The following LAMA4 variants were observed in gnomAD, a reference collection of about 807,000 sequenced individuals.
LAMA4 encodes the protein laminin subunit alpha-4.
A neutral mutation model predicts 207.1 loss-of-function variants in LAMA4; 127 were observed. The observed-to-expected ratio is 0.61, with a 90% CI of 0.53 to 0.71. The LOEUF is 0.71. Ranked by LOEUF, LAMA4 falls within the 30% of genes least tolerant of loss-of-function variation. The pLI is 0.00. For synonymous variants in LAMA4, 761 were observed against 816.0 expected (o/e 0.93, Z 1.15); for missense variants, 2,093 against 2,246.5 (o/e 0.93, Z 1.38).
At chr6:112,131,459 G>A (rs941871229) in intron 28 of LAMA4, among the ~76,000 whole-genome samples, 4 of 152,124 alleles carry the variant, frequency 2.6e-5, no homozygotes, top group African/African-American at 9.7e-5. Context: ...GTAGCTAGAT[G>A]ACTAGGCAAG....
At chr6:112,140,542 GT>G (rs540759846) in intron 22 of LAMA4, among the ~76,000 whole-genome samples, 534 of 152,274 alleles carry the variant, frequency 3.5e-3, no homozygotes, top group Non-Finnish European at 5.6e-3. Context: ...ATCTTCAGGA[GT>G]TAGCTATAAC....
intron 5 of LAMA4, among the ~76,000 whole-genome samples, chr6:112,195,056 T>C (rs1415292471): frequency 6.6e-6 from 1 of 152,202 alleles, no homozygotes; most frequent in Non-Finnish European, 1.5e-5. Flanking sequence ...TCAGGAATGC[T>C]TGAAGCTCCC....
chr6:112,161,049 C>A (rs1192611949), intron 13 of LAMA4, among the ~76,000 whole-genome samples: 6 of 152,168 alleles, frequency 3.9e-5, no homozygotes, highest in Non-Finnish European at 7.3e-5. Flanking sequence ...TGTTTTAATG[C>A]TCCACAATTT....
At chr6:112,190,266 TG>T (rs1782938192) in intron 6 of LAMA4, among the ~76,000 whole-genome samples, 1 of 152,264 alleles carries the variant, frequency 6.6e-6, no homozygotes, top group African/African-American at 2.4e-5. Context: ...TTATTTCTGC[TG>T]TCCGCCTTCT....
intron 3 of LAMA4, among the ~76,000 whole-genome samples, chr6:112,208,021 T>C (rs1290112709): frequency 2.0e-5 from 3 of 152,220 alleles, no homozygotes; most frequent in Non-Finnish European, 4.4e-5. Flanking sequence ...GATTAATTTC[T>C]ATAAGGGGCA....
In LAMA4 at chr6:112,172,639, G is replaced by C; in HGVS notation, c.1523C>G (p.Ala508Gly). 4 of 1,613,086 alleles carry C rather than the reference G, an allele frequency of 2.5e-6. No homozygotes were observed. The highest frequency in any genetic ancestry group is 3.4e-6 in the Non-Finnish European group (4 of 1,180,004). Residue 508 changes from alanine to glycine, a missense_variant, in exon 12 of 39, where the codon GCC (alanine) becomes GGC (glycine). By Grantham distance (60) the Ala-to-Gly change is moderately conservative. Transcript: ENST00000230538. ...YVRDAEDMNR[A>G]TAARQRDHEK... Reference sequence around the variant, plus strand: ...ATGGTCCCGCTGCCTGGCTGCTGTGGCCCTGTTCATGTCTTCGGCATCCCT... The same window carrying C: ...ATGGTCCCGCTGCCTGGCTGCTGTGCCCCTGTTCATGTCTTCGGCATCCCT...
rs782610899 is a variant in LAMA4, at chr6:112,141,330, T to G, written c.2813+28A>C. The G allele has an allele frequency of 2.0e-5, 33 of 1,611,068 alleles. No homozygotes were observed. The South Asian group carries it at 3.5e-4, about 17-fold the overall frequency. Reference sequence around the variant, plus strand: ...ACAGGTTTCTTGTGATATGTGCATATATGCCCTGTGTCATGGATTCACTGT... The same window carrying G: ...ACAGGTTTCTTGTGATATGTGCATAGATGCCCTGTGTCATGGATTCACTGT... On this transcript the variant is annotated intron_variant, in intron 21 of 38. Transcript: ENST00000230538.
At chr6:112,162,629 G>A (rs1554338697) in intron 13 of LAMA4, among the ~76,000 whole-genome samples, 2 of 152,172 alleles carry the variant, frequency 1.3e-5, no homozygotes, top group African/African-American at 2.4e-5. Flanking sequence ...GAAGACTGGG[G>A]AAGGAGTGGG....
chr6:112,115,994 C>T lies in LAMA4; in HGVS notation c.4982-1G>A. The T allele has an allele frequency of 6.2e-7, 1 of 1,612,260 alleles. No individual in the cohort carries two copies. Among genetic ancestry groups the T allele is most frequent in the Non-Finnish European group, 8.5e-7 (1 of 1,178,734 alleles). On this transcript the variant is annotated splice_acceptor_variant, in intron 35 of 38. Coordinates refer to ENST00000230538, the MANE Select transcript of LAMA4 (RefSeq NM_001105206.3). LOFTEE classifies it high-confidence loss of function. Reference sequence around the variant, plus strand: ...TTCAATCCAATATTGAAAGATTCATCTGTGGAGAGAAACACTATAAACTCC... The same window carrying T: ...TTCAATCCAATATTGAAAGATTCATTTGTGGAGAGAAACACTATAAACTCC...
chr6:112,135,697 A>G (rs1554331322), intron 25 of LAMA4: 1 of 166,724 alleles, frequency 6.0e-6, no homozygotes, highest in East Asian at 1.7e-4. Context: ...ATTCTGGATA[A>G]GTGGTTTAAA....
intron 2 of LAMA4, among the ~76,000 whole-genome samples, chr6:112,246,063 A>C (rs532222909): frequency 6.6e-6 from 1 of 152,300 alleles, no homozygotes; most frequent in Non-Finnish European, 1.5e-5. Context: ...TTTGATGGGA[A>C]ACTTAAGTTG....
At chr6:112,254,369 C>T (rs1258592400) in intron 1 of LAMA4, 78 bp from the exon 2 acceptor site, 1 of 599,502 alleles carries the variant, frequency 1.7e-6, no homozygotes, top group Non-Finnish European at 3.0e-6. Flanking sequence ...CCCCTTCTCC[C>T]CCTCTCTCTC....
intron 3 of LAMA4, among the ~76,000 whole-genome samples, chr6:112,208,500 G>A (rs1784192392): frequency 6.6e-6 from 1 of 152,166 alleles, no homozygotes; most frequent in East Asian, 1.9e-4. Flanking sequence ...GGTGCAGAAA[G>A]ATTAAGCAAA....
intron 7 of LAMA4, 21 bp downstream of exon 7, chr6:112,189,089 A>G: frequency 6.5e-7 from 1 of 1,539,276 alleles, no homozygotes; most frequent in Non-Finnish European, 9.0e-7. Flanking sequence ...GGGTTAGTCA[A>G]TCATGTACTG....
Position 112,132,734 on chromosome 6 carries a change from G to C in LAMA4, c.3834+19C>G, listed in dbSNP as rs187178059. 1.4e-4 allele frequency: 219 copies of C among 1,610,366 alleles called. No individual in the cohort carries two copies. In the African/African-American group the frequency reaches 2.6e-3, roughly 19 times the overall value. The stretch of plus-strand genomic sequence containing the variant: ...CAATTATCACAAAGAAGTTTCCTCA[G>C]AGAAAAACAAACACTTACCCCTGAA... On this transcript the variant is annotated intron_variant, in intron 28 of 38. Coordinates refer to ENST00000230538, the MANE Select transcript of LAMA4 (RefSeq NM_001105206.3).
intron 9 of LAMA4, 45 bp downstream of exon 9, chr6:112,185,192 C>G: frequency 5.3e-6 from 7 of 1,308,830 alleles, no homozygotes; most frequent in Non-Finnish European, 7.8e-6. Context: ...CAGCTAAATC[C>G]TTTCTTTGAA....
At chr6:112,197,479 A>T (rs1017464739) in intron 5 of LAMA4, among the ~76,000 whole-genome samples, 4 of 152,212 alleles carry the variant, frequency 2.6e-5, no homozygotes, top group Non-Finnish European at 4.4e-5. Flanking sequence ...TTCATGTAAT[A>T]CCCCTTCCAG....
chr6:112,234,954 T>C (rs1785806331), intron 2 of LAMA4, among the ~76,000 whole-genome samples: 1 of 152,168 alleles, frequency 6.6e-6, no homozygotes, highest in South Asian at 2.1e-4. Flanking sequence ...ATAATACTCA[T>C]AAAGATGATT....
Position 112,117,126 on chromosome 6 carries a change from C to T in LAMA4, c.4981+613G>A, listed in dbSNP as rs73541494. 3.3e-5 allele frequency among the ~76,000 whole-genome samples: 5 copies of T among 152,132 alleles called. No homozygotes were observed. The highest frequency in any genetic ancestry group is 3.9e-4 in the East Asian group (2 of 5,178). ...ATTCTGGTGTCTTCCTCACACCCAG[C>T]GATTGCTCCATAGAATATTCTTGGA... On this transcript the variant is annotated intron_variant, in intron 35 of 38. Coordinates refer to ENST00000230538, the MANE Select transcript of LAMA4 (RefSeq NM_001105206.3). This position sits in a 1 kb window ranked among gnomAD's most constrained non-coding sequence, Gnocchi z 4.5.
Sources: allele counts gnomAD v4.1 joint callset (sites outside exome capture counted in the v4.1 genomes callset), GRCh38; gene constraint gnomAD v4.1.1; non-coding constraint Gnocchi (gnomAD v3.1); transcripts MANE v1.5; gene names NCBI Gene and HGNC (gene_info 2026-07-23, HGNC 2026-07-21).